ABCA12: variants seen among roughly 807,000 people sequenced by gnomAD.
The protein encoded by ABCA12 is glucosylceramide transporter ABCA12.
ABCA12 carries 156 observed loss-of-function variants against 293.5 expected under a neutral mutation model. The ratio of observed to expected loss-of-function variants is 0.53; its 90% CI spans 0.47 to 0.61. The LOEUF (loss-of-function observed/expected upper bound fraction) is 0.61, where lower values mean the gene tolerates loss of function less well. ABCA12 is among the 20% of genes least tolerant of loss of function. The pLI is 0.00. For missense variants in ABCA12, 2,797 were observed against 3,090.2 expected, an observed-to-expected ratio of 0.91 and a Z score of 2.25; for synonymous variants, 1,063 against 1,108.0, an observed-to-expected ratio of 0.96 and a Z score of 0.81.
chr2:214,949,318 CA>C (rs1698677355), intron 45 of ABCA12, among the ~76,000 whole-genome samples, 169 bp from the exon 46 acceptor site: 2 of 150,226 alleles, frequency 1.3e-5, no homozygotes, highest in Non-Finnish European at 3.0e-5. Flanking sequence ...TTTTTTAAAA[CA>C]AATGGATACC....
intron 39 of ABCA12, chr2:214,960,656 T>C (rs1226349405): frequency 6.6e-6 from 1 of 152,142 alleles, no homozygotes; most frequent in Non-Finnish European, 1.5e-5. Flanking sequence ...TTACATATAA[T>C]GTATATTAAA....
At chr2:215,047,500 T>C (rs754843448) in intron 6 of ABCA12, among the ~76,000 whole-genome samples, 8 of 152,114 alleles carry the variant, frequency 5.3e-5, no homozygotes, top group Non-Finnish European at 1.0e-4. Context: ...CCATCTGATC[T>C]TCAACAGAGG....
intron 29 of ABCA12, among the ~76,000 whole-genome samples, chr2:214,982,959 A>G (rs1247289682): frequency 6.6e-6 from 1 of 152,214 alleles, no homozygotes; most frequent in African/African-American, 2.4e-5. Context: ...AGAAAAGGTG[A>G]CATTTTGGCA....
intron 11 of ABCA12, among the ~76,000 whole-genome samples, chr2:215,025,105 C>T (rs1700708968): frequency 6.6e-6 from 1 of 152,046 alleles, no homozygotes; most frequent in African/African-American, 2.4e-5. Flanking sequence ...AATTTTAAAA[C>T]AAGACATCTC....
chr2:214,997,818 C>T lies in ABCA12; in HGVS notation c.3180-9G>A. On this transcript the variant is annotated splice_polypyrimidine_tract_variant and intron_variant, in intron 22 of 52. Transcript: ENST00000272895. ...AGACACTGGTTAGGAAGCTGTAAAA[C>T]AAACAAAAAAAGAAAAATTCAGCGA... is the stretch of plus-strand genomic sequence containing the variant. 1 of 1,586,964 alleles carries T rather than the reference C, an allele frequency of 6.3e-7. No individual in the cohort carries two copies. The highest frequency in any genetic ancestry group is 8.7e-7 in the Non-Finnish European group (1 of 1,156,038).
At chr2:215,088,347 T>G (rs985366269) in intron 2 of ABCA12, among the ~76,000 whole-genome samples, 25 of 152,140 alleles carry the variant, frequency 1.6e-4, no homozygotes, top group African/African-American at 6.0e-4. Context: ...ACTTAGTGAC[T>G]AAAGGATGTG....
chr2:215,126,112 T>C (rs925818643), intron 1 of ABCA12, among the ~76,000 whole-genome samples: 5 of 152,184 alleles, frequency 3.3e-5, no homozygotes, highest in Admixed American at 2.6e-4. Flanking sequence ...GACTTGCATA[T>C]GTTAAACCAT....
intron 2 of ABCA12, among the ~76,000 whole-genome samples, chr2:215,104,849 G>A (rs934911180): frequency 3.9e-5 from 6 of 152,130 alleles, no homozygotes; most frequent in African/African-American, 7.2e-5. Context: ...AAGGAGTGAC[G>A]GGGCTTTATA....
At chr2:214,958,945 T>G in intron 40 of ABCA12, 79 bp downstream of exon 40, 1 of 1,351,600 alleles carries the variant, frequency 7.4e-7, no homozygotes, top group South Asian at 1.2e-5. Flanking sequence ...GATACAACTG[T>G]GATTTCCAAT....
chr2:215,030,671 G>A (rs900235218), intron 9 of ABCA12, among the ~76,000 whole-genome samples: 3 of 152,070 alleles, frequency 2.0e-5, no homozygotes, highest in Admixed American at 1.3e-4. Context: ...TTGCCTAAGG[G>A]CTTGGTTGCT....
chr2:215,056,971 T>C (rs1701432143), intron 3 of ABCA12, among the ~76,000 whole-genome samples: 1 of 152,062 alleles, frequency 6.6e-6, no homozygotes, highest in Non-Finnish European at 1.5e-5. Flanking sequence ...TGCACACTTA[T>C]TTCATATCTA....
chr2:215,105,229 C>T (rs1044560159), intron 2 of ABCA12, among the ~76,000 whole-genome samples: 2 of 152,126 alleles, frequency 1.3e-5, no homozygotes, highest in Non-Finnish European at 2.9e-5. Flanking sequence ...TAAGCCAATA[C>T]TTCAACAAGA....
intron 19 of ABCA12, 22 bp from the exon 20 acceptor site, chr2:215,004,321 T>A: frequency 6.4e-7 from 1 of 1,560,182 alleles, no homozygotes; most frequent in Non-Finnish European, 8.8e-7. Context: ...TAATTAAAAA[T>A]CAGTTTCAAT....
chr2:215,012,011 A>G lies in ABCA12; in HGVS notation c.2081T>C (p.Leu694Pro). ...ACTTCTGGGCAGATGCATTTGCTTCAGGGATCTCATTTTGTCTAGCAGCGG... is the reference window on the plus strand; with the variant it reads ...ACTTCTGGGCAGATGCATTTGCTTCGGGGATCTCATTTTGTCTAGCAGCGG... ...THPLLDKMRSLKQMHLPRSVP... is the reference protein window; with the variant it reads ...THPLLDKMRSPKQMHLPRSVP... The change falls in exon 16 of 53, where the codon CTG becomes CCG. Residue 694 changes from leucine to proline, a missense_variant. By Grantham distance (98) the Leu-to-Pro change is moderately conservative. This residue lies in a region of ABCA12 where 2,130 missense variants were observed against 2,427.0 expected (regional missense o/e 0.88). Coordinates refer to ENST00000272895, the MANE Select transcript of ABCA12 (RefSeq NM_173076.3). 6.2e-7 allele frequency: 1 copy of G among 1,614,038 alleles called. No individual in the cohort carries two copies. Among genetic ancestry groups the G allele is most frequent in the Non-Finnish European group, 8.5e-7 (1 of 1,179,966 alleles).
chr2:215,112,754 C>T (rs183588708), intron 1 of ABCA12, among the ~76,000 whole-genome samples: 328 of 152,140 alleles, frequency 2.2e-3, no homozygotes, highest in Non-Finnish European at 3.0e-3. Context: ...CCTCAGCCTC[C>T]CAAAGTGCTG....
At chr2:214,933,237 A>G (rs1182094311) in intron 52 of ABCA12, among the ~76,000 whole-genome samples, 2 of 152,202 alleles carry the variant, frequency 1.3e-5, no homozygotes, top group African/African-American at 4.8e-5. Context: ...TAACAGGCAG[A>G]TCTTTTCACT....
At chr2:215,018,940 T>C (rs1220338490) in intron 13 of ABCA12, among the ~76,000 whole-genome samples, 1 of 152,224 alleles carries the variant, frequency 6.6e-6, no homozygotes, top group African/African-American at 2.4e-5. Context: ...TAATAGAAAG[T>C]TCTGAATTGA....
intron 39 of ABCA12, among the ~76,000 whole-genome samples, chr2:214,964,706 C>T (rs1699212006): frequency 6.6e-6 from 1 of 152,068 alleles, no homozygotes; most frequent in Non-Finnish European, 1.5e-5. Flanking sequence ...AACAACAAAC[C>T]ACTGCTCAAA....
chr2:215,075,811 T>A (rs1044902388), intron 2 of ABCA12: 2 of 482,904 alleles, frequency 4.1e-6, no homozygotes, highest in South Asian at 6.2e-5. Flanking sequence ...ATTATCACAG[T>A]GAATTTTGTG....
Sources: gnomAD v4.1 joint callset for allele counts (sites outside exome capture counted in the v4.1 genomes callset) on GRCh38, gnomAD v4.1.1 for gene constraint, gnomAD v4.1.1 regional missense constraint, MANE v1.5 for transcripts, NCBI Gene and HGNC (gene_info 2026-07-23, HGNC 2026-07-21) for gene names.